Variants in EP400 observed in about 807,000 individuals in gnomAD.
EP400 encodes the protein E1A binding protein p400, also known as E1A-binding protein p400.
In EP400, 105 loss-of-function variants were observed where a neutral mutation model predicts 354.1. The ratio of observed to expected loss-of-function variants is 0.30; its 90% CI spans 0.25 to 0.35. EP400 has a LOEUF of 0.35. Among genes scored for constraint, EP400 ranks in the 10% least tolerant of loss-of-function variants. EP400 has a pLI of 1.00. For synonymous variants in EP400, 1,646 were observed against 1,716.9 expected, an observed-to-expected ratio of 0.96 and a Z score of 1.02; for missense variants, 3,280 against 4,121.0, an observed-to-expected ratio of 0.80 and a Z score of 5.59.
At chr12:132,014,907 A>G (rs1037933199) in intron 19 of EP400, among the ~76,000 whole-genome samples, 2 of 152,108 alleles carry the variant, frequency 1.3e-5, no homozygotes, top group Non-Finnish European at 2.9e-5. Context: ...AGGCCATGCT[A>G]GCCACACCCC....
At chr12:132,014,045 C>T (rs1383213830) in intron 19 of EP400, 132 bp downstream of exon 19, 1 of 1,222,470 alleles carries the variant, frequency 8.2e-7, no homozygotes, top group African/African-American at 1.5e-5. Flanking sequence ...CCGAGGCACC[C>T]TCCTGGGGGC....
chr12:132,066,943 C>T lies in EP400; in HGVS notation c.8723C>T (p.Ala2908Val). 1 of 1,603,912 alleles carries T rather than the reference C, an allele frequency of 6.2e-7. No homozygotes were observed. Among genetic ancestry groups the T allele is most frequent in the Non-Finnish European group, 8.5e-7 (1 of 1,175,096 alleles). The change falls in exon 49 of 53, where the codon GCG (alanine) becomes GTG (valine). Residue 2908 changes from alanine (A) to valine (V), a missense_variant. By Grantham distance (64) the Ala-to-Val change is moderately conservative (BLOSUM62 0). This residue lies in a region of EP400 where 279 missense variants were observed against 386.7 expected (regional missense o/e 0.72). Coordinates refer to ENST00000389561, the MANE Select transcript of EP400 (RefSeq NM_015409.5). ...ATGAACGTCGCGGGGATCAGCGTGGCGATCGGTCAGCCACAGAAGGCAGCA... is the reference window on the plus strand; with the variant it reads ...ATGAACGTCGCGGGGATCAGCGTGGTGATCGGTCAGCCACAGAAGGCAGCA... ...LPMNVAGISV[A>V]IGQPQKAAGQ...
Position 132,038,211 on chromosome 12 carries a change from T to C in EP400, c.6207+115T>C. The C allele has an allele frequency of 7.4e-7, 1 of 1,357,116 alleles. No individual in the cohort carries two copies. Among genetic ancestry groups the C allele is most frequent in the Non-Finnish European group, 1.0e-6 (1 of 996,782 alleles). 84.1% of individuals were successfully genotyped at this position (1,357,116 alleles called of 1,614,324 possible). On this transcript the variant is annotated intron_variant, in intron 32 of 52. Transcript: ENST00000389561. This position sits in a 1 kb window ranked among gnomAD's most constrained non-coding sequence, Gnocchi z 4.2. ...CCCACTCTTCCCTGGCCTGAAGCCC[T>C]CTTCCCGTCCCTGCTTTTGGAACCT...
At chr12:132,045,263 T>G in intron 37 of EP400, 56 bp from the exon 38 acceptor site, 1 of 1,594,904 alleles carries the variant, frequency 6.3e-7, no homozygotes, top group South Asian at 1.1e-5. Flanking sequence ...GTCTTTTGCC[T>G]GCCCGTGTGG....
rs1429489293 is a variant in EP400, at chr12:132,045,399, C to T, written c.6865C>T (p.Leu2289Phe). Reference protein sequence around the residue: ...RSLFDRATPGLLKIRREGKEQ... With the variant: ...RSLFDRATPGFLKIRREGKEQ... Reference sequence around the variant, plus strand: ...CCTGTTTGACCGCGCAACACCAGGACTTCTGAAAATTCGCAGAGAGGGCAA... The same window carrying T: ...CCTGTTTGACCGCGCAACACCAGGATTTCTGAAAATTCGCAGAGAGGGCAA... Residue 2289 changes from leucine (L) to phenylalanine (F), a missense_variant, in exon 38 of 53, where the codon CTT (leucine) becomes TTT (phenylalanine). Leu to Phe is a conservative substitution (Grantham distance 22, BLOSUM62 0). This residue lies in a region of EP400 where 231 missense variants were observed against 257.9 expected (regional missense o/e 0.90). Transcript: ENST00000389561. 1.7e-5 allele frequency: 27 copies of T among 1,614,268 alleles called. No individual in the cohort carries two copies. Among genetic ancestry groups the T allele is most frequent in the Non-Finnish European group, 2.0e-5 (24 of 1,180,054 alleles).
chr12:131,956,125 T>C (rs112008165), intron 1 of EP400, among the ~76,000 whole-genome samples: 340 of 152,306 alleles, frequency 2.2e-3, no homozygotes, highest in African/African-American at 7.7e-3. Flanking sequence ...TTGTCCGGAA[T>C]GTCATGCCAG....
chr12:131,992,088 A>G, intron 10 of EP400, 85 bp from the exon 11 acceptor site: 4 of 1,483,998 alleles, frequency 2.7e-6, no homozygotes, highest in Non-Finnish European at 3.7e-6. Context: ...GGCTCCCCCA[A>G]CCTGTCCCAT....
chr12:132,015,049 C>T (rs1483968898), intron 19 of EP400, among the ~76,000 whole-genome samples: 1 of 152,266 alleles, frequency 6.6e-6, no homozygotes, highest in Non-Finnish European at 1.5e-5. Flanking sequence ...GGCGTGCACT[C>T]ATGGGCTCGC....
chr12:132,014,019 T>A, intron 19 of EP400, 106 bp downstream of exon 19: 1 of 1,486,242 alleles, frequency 6.7e-7, no homozygotes, highest in Non-Finnish European at 9.1e-7. Context: ...AAGGATTGGG[T>A]GTCTGGAGCT....
chr12:132,027,524 C>T lies in EP400; in HGVS notation c.5102C>T (p.Pro1701Leu), dbSNP rs745784324. The change falls in exon 26 of 53, where the codon CCG becomes CTG. Residue 1701 changes from proline to leucine, a missense_variant. Physicochemically the swap from Pro to Leu is moderately conservative, Grantham distance 98 (BLOSUM62 -3). This residue lies in a region of EP400 where 459 missense variants were observed against 496.9 expected (regional missense o/e 0.92). Coordinates refer to ENST00000389561, the MANE Select transcript of EP400 (RefSeq NM_015409.5). The surrounding 1 kb of genome is among the most constrained non-coding windows in gnomAD (Gnocchi z 4.9). ...ASKPASPIGG[P>L]TQEEKTRLLK... The stretch of plus-strand genomic sequence containing the variant: ...AAACCAGCTTCTCCCATTGGAGGGC[C>T]GACCCAGGTAAGCACCTGAGCTTGA... The T allele has an allele frequency of 6.8e-6, 11 of 1,611,394 alleles. No individual in the cohort carries two copies. Among genetic ancestry groups the T allele is most frequent in the East Asian group, 2.2e-5 (1 of 44,848 alleles).
chr12:132,008,896 A>C (rs1344140711), intron 15 of EP400, among the ~76,000 whole-genome samples: 1 of 145,654 alleles, frequency 6.9e-6, no homozygotes, highest in Non-Finnish European at 1.5e-5. Flanking sequence ...CTGGGATTAC[A>C]GGCGTGAGAC....
At position 132,079,124 on chromosome 12, in the gene EP400, TTC is replaced by T. The variant is rs1289105408; in HGVS notation, c.*1456_*1457del. ...TTGTATTTCATCTGCTTCCTCCCCA[TTC>T]TCTCACTTTAAGTGACATTGAGGAA... On this transcript the variant is annotated 3_prime_UTR_variant, in exon 53 of 53. Coordinates refer to ENST00000389561, the MANE Select transcript of EP400 (RefSeq NM_015409.5). 6.6e-6 allele frequency: 1 copy of T among 152,228 alleles called. No individual in the cohort carries two copies. Among genetic ancestry groups the T allele is most frequent in the African/African-American group, 2.4e-5 (1 of 41,466 alleles). 9.4% of individuals were successfully genotyped at this position (152,228 alleles called of 1,614,324 possible).
intron 12 of EP400, among the ~76,000 whole-genome samples, chr12:132,001,076 G>A (rs1464181759): frequency 6.6e-6 from 1 of 152,040 alleles, no homozygotes; most frequent in African/African-American, 2.4e-5. Flanking sequence ...CAGGGTCGGT[G>A]GGTTTCTTCC....
At chr12:132,026,170 G>A (rs980924221) in intron 25 of EP400, among the ~76,000 whole-genome samples, 1 of 152,150 alleles carries the variant, frequency 6.6e-6, no homozygotes, top group African/African-American at 2.4e-5. Context: ...TTCTTTGTCC[G>A]GCCCGAGCTG....
intron 47 of EP400, among the ~76,000 whole-genome samples, chr12:132,064,329 A>C (rs1386800725): frequency 1.3e-5 from 2 of 152,218 alleles, no homozygotes; most frequent in African/African-American, 4.8e-5. Context: ...AGGTTTTCTT[A>C]AAAAATTTTT....
intron 48 of EP400, 197 bp from the exon 49 acceptor site, chr12:132,066,577 A>G (rs1895900155): frequency 1.7e-6 from 1 of 575,880 alleles, no homozygotes; most frequent in Non-Finnish European, 2.9e-6. Context: ...CGGGAGCTTC[A>G]GAAGCGCGGG....
Position 132,064,673 on chromosome 12 carries a change from C to CCT in EP400, c.8342_8343dup (p.Ile2782SerfsTer58). The CCT allele has an allele frequency of 6.2e-7, 1 of 1,611,614 alleles. No homozygotes were observed. Among genetic ancestry groups the CCT allele is most frequent in the Non-Finnish European group, 8.5e-7 (1 of 1,178,168 alleles). On this transcript the variant is annotated frameshift_variant, in exon 48 of 53. Transcript: ENST00000389561. LOFTEE classifies it high-confidence loss of function. ...ATACTTTGCTTGTATTTTAGGAACA[C>CCT]CTCATCAAAATGCAGAAGCAGAAAC...
chr12:131,958,393 A>G (rs997970268), intron 1 of EP400, among the ~76,000 whole-genome samples: 1 of 152,196 alleles, frequency 6.6e-6, no homozygotes, highest in Non-Finnish European at 1.5e-5. Flanking sequence ...TTCAGAAACT[A>G]ACCATCTGAT....
At position 131,990,531 on chromosome 12, in the gene EP400, A is replaced by G; in HGVS notation, c.2551-105A>G. On this transcript the variant is annotated intron_variant, in intron 8 of 52. Transcript: ENST00000389561. This position sits in a 1 kb window ranked among gnomAD's most constrained non-coding sequence, Gnocchi z 4.2. ...AGCACCAAACTGACGAGGCTGGAAA[A>G]CACTGTTTTCAGACTCTGCTTATGT... 1.2e-6 allele frequency: 1 copy of G among 847,780 alleles called. No homozygotes were observed. Among genetic ancestry groups the G allele is most frequent in the Non-Finnish European group, 1.9e-6 (1 of 537,574 alleles). 52.5% of individuals were successfully genotyped at this position (847,780 alleles called of 1,614,324 possible).
Sources: allele counts gnomAD v4.1 joint callset (sites outside exome capture counted in the v4.1 genomes callset), GRCh38; gene constraint gnomAD v4.1.1; regional missense constraint gnomAD v4.1.1; non-coding constraint Gnocchi (gnomAD v3.1); transcripts MANE v1.5; gene names NCBI Gene and HGNC (gene_info 2026-07-23, HGNC 2026-07-21).